The following DTL variants were observed in gnomAD, a reference collection of about 807,000 sequenced individuals.
The protein encoded by DTL is denticleless protein homolog.
In DTL, 46 loss-of-function variants were observed where a neutral mutation model predicts 87.0. That is an observed-to-expected ratio of 0.53 (90% CI 0.42 to 0.68). The LOEUF is 0.68. DTL is among the 30% of genes least tolerant of loss of function. The pLI is 0.00. For synonymous variants in DTL, 308 were observed against 311.2 expected (o/e 0.99, Z 0.11); for missense variants, 737 against 869.4 (o/e 0.85, Z 1.91).
intron 1 of DTL, among the ~76,000 whole-genome samples, chr1:212,037,553 A>G (rs1667523602): frequency 6.6e-6 from 1 of 152,230 alleles, no homozygotes; most frequent in African/African-American, 2.4e-5. Context: ...ACTCTACCAT[A>G]GGCTACTTGA....
chr1:212,067,883 T>C (rs17656163), intron 8 of DTL, among the ~76,000 whole-genome samples: 46,744 of 152,136 alleles, frequency 0.31, 8,860 homozygotes, highest in Middle Eastern at 0.43. Context: ...ATCAAAAATA[T>C]ATGCAGAATA....
At chr1:212,084,205 T>G (rs1377010046) in intron 13 of DTL, among the ~76,000 whole-genome samples, 1 of 55,916 alleles carries the variant, frequency 1.8e-5, no homozygotes, top group Non-Finnish European at 3.4e-5. Flanking sequence ...TTTTTTCTTT[T>G]CTTTTTTTTT....
chr1:212,068,631 T>C lies in DTL; in HGVS notation c.850T>C (p.Ser284Pro). Residue 284 changes from serine (S) to proline (P), a missense_variant, in exon 10 of 15, where the codon TCT becomes CCT. Coordinates refer to ENST00000366991, the MANE Select transcript of DTL (RefSeq NM_016448.4). The part of the protein sequence containing the change: ...YSSLILDSTG[S>P]TLFANCTDDN... ...AAGTCTGATTTTGGATTCCACTGGC[T>C]CTACTTTATTTGCTAATTGCACAGA... The C allele has an allele frequency of 6.2e-7, 1 of 1,613,362 alleles. No individual in the cohort carries two copies. The highest frequency in any genetic ancestry group is 8.5e-7 in the Non-Finnish European group (1 of 1,179,532).
chr1:212,100,987 T>C lies in DTL; in HGVS notation c.1997T>C (p.Met666Thr). 2 of 1,614,050 alleles carry C rather than the reference T, an allele frequency of 1.2e-6. No homozygotes were observed. The highest frequency in any genetic ancestry group is 1.7e-6 in the Non-Finnish European group (2 of 1,179,978). The change falls in exon 14 of 15, where the codon ATG (methionine) becomes ACG (threonine). Residue 666 changes from methionine (M) to threonine (T), a missense_variant. Transcript: ENST00000366991. ...SPENKNWLLA[M>T]AAKRKAENPS... is the part of the protein sequence containing the mutation. ...GAGAATAAAAACTGGTTGTTGGCCA[T>C]GGCAGCCAAACGGAAGGCTGAGAAT...
intron 5 of DTL, among the ~76,000 whole-genome samples, chr1:212,052,197 A>AT (rs1668004811): frequency 6.6e-6 from 1 of 151,812 alleles, no homozygotes; most frequent in Non-Finnish European, 1.5e-5. Context: ...TATTTTCAGG[A>AT]TTTTTTGTCT....
At chr1:212,038,551 C>T (rs1320931806) in intron 1 of DTL, among the ~76,000 whole-genome samples, 1 of 152,204 alleles carries the variant, frequency 6.6e-6, no homozygotes, top group Non-Finnish European at 1.5e-5. Context: ...TTGAATCCAT[C>T]CTCTCTTCTT....
intron 11 of DTL, among the ~76,000 whole-genome samples, chr1:212,074,322 C>T (rs577326592): frequency 6.6e-6 from 1 of 151,918 alleles, no homozygotes; most frequent in East Asian, 1.9e-4. Context: ...TTCCTCTTCT[C>T]TAGTGCAAAG....
At chr1:212,052,134 C>T (rs1343731552) in intron 5 of DTL, 2 of 660,682 alleles carry the variant, frequency 3.0e-6, no homozygotes, top group Non-Finnish European at 2.7e-6. Context: ...TCATTGAGAA[C>T]TCTGTGGTTG....
intron 3 of DTL, 28 bp from the exon 4 acceptor site, chr1:212,047,123 T>C (rs766471829): frequency 6.2e-7 from 1 of 1,606,450 alleles, no homozygotes; most frequent in Non-Finnish European, 8.5e-7. Flanking sequence ...AATTTAGACA[T>C]TTCACATTTA....
intron 5 of DTL, among the ~76,000 whole-genome samples, chr1:212,057,869 A>C (rs182742219): frequency 6.6e-6 from 1 of 152,324 alleles, no homozygotes; most frequent in East Asian, 1.9e-4. Flanking sequence ...ATAAACTGAA[A>C]ATAAAGGAAT....
chr1:212,060,077 T>A (rs1668296691), intron 5 of DTL, among the ~76,000 whole-genome samples: 1 of 152,100 alleles, frequency 6.6e-6, no homozygotes, highest in Admixed American at 6.6e-5. Context: ...AAATTATTAT[T>A]TTTAAAATGG....
At chr1:212,100,229 C>G (rs755297396) in intron 13 of DTL, 23 bp from the exon 14 acceptor site, 1 of 1,496,426 alleles carries the variant, frequency 6.7e-7, no homozygotes, top group Admixed American at 2.2e-5. Context: ...TTCTGATCTT[C>G]ATGATCCTCT....
intron 10 of DTL, among the ~76,000 whole-genome samples, chr1:212,071,522 A>T (rs556798572): frequency 6.6e-6 from 1 of 152,326 alleles, no homozygotes; most frequent in East Asian, 1.9e-4. Flanking sequence ...GCTGGATTAA[A>T]ATGATTCTCA....
Position 212,047,303 on chromosome 1 carries a change from G to C in DTL, c.346G>C (p.Ala116Pro). The C allele has an allele frequency of 6.2e-7, 1 of 1,614,186 alleles. No individual in the cohort carries two copies. Among genetic ancestry groups the C allele is most frequent in the Non-Finnish European group, 8.5e-7 (1 of 1,180,040 alleles). The stretch of plus-strand genomic sequence containing the variant: ...TTTACCTTATTTTTGAAAGGTTACA[G>C]CAGCAGGTGATCAAACAGCCAAATT... The part of the protein sequence containing the change: ...WVPGELKLVT[A>P]AGDQTAKFWD... Residue 116 changes from alanine (A) to proline (P), a missense_variant, in exon 5 of 15, where the codon GCA (alanine) becomes CCA (proline). By Grantham distance (27) the Ala-to-Pro change is conservative. Coordinates refer to ENST00000366991, the MANE Select transcript of DTL (RefSeq NM_016448.4).
chr1:212,063,463 A>AT (rs562293029), intron 6 of DTL, among the ~76,000 whole-genome samples: 67 of 151,466 alleles, frequency 4.4e-4, no homozygotes, highest in Non-Finnish European at 8.3e-4. Flanking sequence ...TAATTTTTGT[A>AT]TTTTTTTAAT....
intron 10 of DTL, among the ~76,000 whole-genome samples, chr1:212,069,115 A>G (rs545144409): frequency 4.0e-4 from 61 of 151,918 alleles, no homozygotes; most frequent in African/African-American, 1.4e-3. Flanking sequence ...CTTCTCCTTA[A>G]TGTTAGAGGC....
intron 13 of DTL, among the ~76,000 whole-genome samples, chr1:212,100,026 G>A (rs528044357): frequency 6.6e-6 from 1 of 152,184 alleles, no homozygotes; most frequent in South Asian, 2.1e-4. Flanking sequence ...GTATTTTGTC[G>A]ATTTTTACAA....
chr1:212,094,901 T>C (rs1198929098), intron 13 of DTL, among the ~76,000 whole-genome samples: 1 of 152,184 alleles, frequency 6.6e-6, no homozygotes, highest in African/African-American at 2.4e-5. Context: ...TGTTTGCTGT[T>C]GCTGTATAGC....
At chr1:212,057,656 G>A (rs2970597) in intron 5 of DTL, among the ~76,000 whole-genome samples, 6,987 of 152,074 alleles carry the variant, frequency 0.046, 224 homozygotes, top group African/African-American at 0.083. Context: ...ATGATAAAAA[G>A]TACCAGAGAA....
Sources: gnomAD v4.1 joint callset for allele counts (sites outside exome capture counted in the v4.1 genomes callset) on GRCh38, gnomAD v4.1.1 for gene constraint, MANE v1.5 for transcripts, NCBI Gene and HGNC (gene_info 2026-07-23, HGNC 2026-07-21) for gene names.